CDS1: variants seen among roughly 807,000 people sequenced by gnomAD.
The protein encoded by CDS1 is phosphatidate cytidylyltransferase 1.
Under a neutral mutation model 62.1 loss-of-function variants are expected in CDS1, and 41 were observed. The observed-to-expected ratio is 0.66, with a 90% confidence interval of 0.51 to 0.86. The LOEUF is 0.86. Ranked by LOEUF, CDS1 falls within the 40% of genes least tolerant of loss-of-function variation. The pLI is 0.00. For synonymous variants in CDS1, 185 were observed against 192.6 expected (o/e 0.96, Z 0.32); for missense variants, 470 against 550.1 (o/e 0.85, Z 1.46).
Position 84,619,547 on chromosome 4 carries a change from T to C in CDS1, c.580+14T>C, listed in dbSNP as rs1578037371. ...TCTATCTGGCAGGTAAGTTAAGGAATATTCTGTATTGATATATAGTTAACA... is the reference window on the plus strand; with the variant it reads ...TCTATCTGGCAGGTAAGTTAAGGAACATTCTGTATTGATATATAGTTAACA... On this transcript the variant is annotated intron_variant, in intron 5 of 12. Transcript: ENST00000295887. The C allele has an allele frequency of 6.7e-7, 1 of 1,484,652 alleles. No individual in the cohort carries two copies. Among genetic ancestry groups the C allele is most frequent in the East Asian group, 2.3e-5 (1 of 43,336 alleles). 92.0% of individuals were successfully genotyped at this position (1,484,652 alleles called of 1,614,324 possible).
intron 1 of CDS1, among the ~76,000 whole-genome samples, chr4:84,587,037 G>A (rs1426199354): frequency 1.3e-5 from 2 of 152,278 alleles, no homozygotes; most frequent in African/African-American, 4.8e-5. Flanking sequence ...AGGGATGCAT[G>A]TCTTTTCCTT....
At chr4:84,610,590 GC>G (rs1462262645) in intron 3 of CDS1, among the ~76,000 whole-genome samples, 1 of 152,120 alleles carries the variant, frequency 6.6e-6, no homozygotes, top group African/African-American at 2.4e-5. Flanking sequence ...ACCTGTCTCT[GC>G]CCTCATGGAG....
intron 3 of CDS1, among the ~76,000 whole-genome samples, chr4:84,614,859 G>A (rs1723437523): frequency 6.6e-6 from 1 of 152,220 alleles, no homozygotes; most frequent in Admixed American, 6.5e-5. Context: ...TGTTTTGAAA[G>A]AAAGCCCATT....
At chr4:84,620,896 A>G (rs1262841249) in intron 5 of CDS1, among the ~76,000 whole-genome samples, 1 of 152,142 alleles carries the variant, frequency 6.6e-6, no homozygotes, top group Non-Finnish European at 1.5e-5. Flanking sequence ...CCCCGTCTCT[A>G]CTAAAAATAC....
At chr4:84,596,593 A>G (rs188304034) in intron 1 of CDS1, among the ~76,000 whole-genome samples, 1 of 152,198 alleles carries the variant, frequency 6.6e-6, no homozygotes, top group South Asian at 2.1e-4. Context: ...ATCCAGGATA[A>G]GCTCACCACG....
At chr4:84,621,382 T>C (rs1473191755) in intron 5 of CDS1, among the ~76,000 whole-genome samples, 1 of 152,210 alleles carries the variant, frequency 6.6e-6, no homozygotes, top group Non-Finnish European at 1.5e-5. Context: ...GTATGCTATT[T>C]CATTAAATAG....
At chr4:84,635,574 TCTGCCTGCCTGCCTGCCTGCCTGC>T (rs1214957051) in intron 8 of CDS1, among the ~76,000 whole-genome samples, 1 of 101,998 alleles carries the variant, frequency 9.8e-6, no homozygotes, top group African/African-American at 4.2e-5. Flanking sequence ...ACTCCATCAG[TCTGCCTGCCTGCCTGCCTGCCTGC>T]CTGCCTGCCT....
intron 3 of CDS1, among the ~76,000 whole-genome samples, 196 bp downstream of exon 3, chr4:84,609,721 G>A (rs1345611265): frequency 6.6e-6 from 1 of 152,144 alleles, no homozygotes; most frequent in African/African-American, 2.4e-5. Flanking sequence ...ACTATTCAGT[G>A]TGTTCATTCA....
At chr4:84,643,766 C>T (rs1375222295) in intron 11 of CDS1, among the ~76,000 whole-genome samples, 1 of 152,090 alleles carries the variant, frequency 6.6e-6, no homozygotes, top group Non-Finnish European at 1.5e-5. Flanking sequence ...CTTTTCTGAC[C>T]CCTGTTCCAG....
intron 1 of CDS1, among the ~76,000 whole-genome samples, chr4:84,601,933 G>T (rs1578023162): frequency 6.6e-6 from 1 of 151,174 alleles, no homozygotes; most frequent in Non-Finnish European, 1.5e-5. Context: ...ATACATACAT[G>T]CATACATACA....
chr4:84,630,856 T>C (rs1374207807), intron 5 of CDS1, among the ~76,000 whole-genome samples: 1 of 152,146 alleles, frequency 6.6e-6, no homozygotes, highest in Non-Finnish European at 1.5e-5. Flanking sequence ...TAGCCATTTA[T>C]CTGAAATTAA....
At chr4:84,648,479 G>A (rs1295761234) in intron 12 of CDS1, 78 bp from the exon 13 acceptor site, 1 of 1,340,428 alleles carries the variant, frequency 7.5e-7, no homozygotes, top group Non-Finnish European at 1.0e-6. Flanking sequence ...GGAATGGTTT[G>A]TTTTAAATTG....
chr4:84,649,205 T>G lies in CDS1; in HGVS notation c.*519T>G, dbSNP rs1275110907. On this transcript the variant is annotated 3_prime_UTR_variant, in exon 13 of 13. Transcript: ENST00000295887. ...TGGATTTAAAAAAAAAAAAAAAAGA[T>G]TGTCTACTTTTCAAAGAAGTAACCA... The G allele has an allele frequency of 6.6e-6, 1 of 151,830 alleles. No individual in the cohort carries two copies. Among genetic ancestry groups the G allele is most frequent in the Admixed American group, 6.6e-5 (1 of 15,242 alleles). The allele number at this position is 151,830 out of a possible 1,614,324, so 9.4% of individuals were successfully genotyped here. A position where few individuals can be genotyped will look rare whatever the true frequency, so the allele number is the denominator to read the frequency against.
intron 6 of CDS1, among the ~76,000 whole-genome samples, chr4:84,632,452 A>G (rs1396990741): frequency 1.3e-5 from 2 of 152,178 alleles, no homozygotes; most frequent in African/African-American, 4.8e-5. Flanking sequence ...TAGTATTCAG[A>G]TCTGTAAATT....
At chr4:84,615,425 T>C (rs957573294) in intron 3 of CDS1, among the ~76,000 whole-genome samples, 6 of 152,074 alleles carry the variant, frequency 3.9e-5, no homozygotes, top group African/African-American at 1.4e-4. Flanking sequence ...TCCTGCTGTT[T>C]CCTAGGATTC....
intron 3 of CDS1, among the ~76,000 whole-genome samples, chr4:84,611,457 A>T (rs1376284178): frequency 1.1e-4 from 16 of 152,102 alleles, no homozygotes; most frequent in Non-Finnish European, 1.5e-5. Flanking sequence ...ATTCAATTCT[A>T]TTCATAGCTC....
chr4:84,641,074 A>T (rs1724369104), intron 10 of CDS1, 84 bp downstream of exon 10: 2 of 871,378 alleles, frequency 2.3e-6, no homozygotes, highest in Non-Finnish European at 3.1e-6. Context: ...TTATTTATTT[A>T]ATTAATTTAT....
chr4:84,588,262 T>A (rs1381523021), intron 1 of CDS1, among the ~76,000 whole-genome samples: 1 of 152,188 alleles, frequency 6.6e-6, no homozygotes, highest in Non-Finnish European at 1.5e-5. Flanking sequence ...GTTTGTGAAG[T>A]TGAGGAGAAA....
chr4:84,628,363 T>C (rs1478569158), intron 5 of CDS1, among the ~76,000 whole-genome samples: 1 of 152,226 alleles, frequency 6.6e-6, no homozygotes, highest in African/African-American at 2.4e-5. Context: ...GTGCCTATCT[T>C]ATTCATTTTT....
Sources: gnomAD v4.1 joint callset for allele counts (sites outside exome capture counted in the v4.1 genomes callset) on GRCh38, gnomAD v4.1.1 for gene constraint, MANE v1.5 for transcripts, NCBI Gene and HGNC (gene_info 2026-07-23, HGNC 2026-07-21) for gene names.